IQGAP2: variants seen among roughly 807,000 people sequenced by gnomAD.
IQGAP2 encodes IQ motif containing GTPase activating protein 2.
IQGAP2 carries 173 observed loss-of-function variants against 201.3 expected under a neutral mutation model. That is an observed-to-expected ratio of 0.86 (90% CI 0.76 to 0.98). The LOEUF is 0.98. Among genes scored for constraint, IQGAP2 ranks in the 50% least tolerant of loss-of-function variants. The pLI, the probability that IQGAP2 is intolerant of heterozygous loss-of-function variation, is 0.00. For missense variants in IQGAP2, 1,687 were observed against 1,864.8 expected, an observed-to-expected ratio of 0.90 and a Z score of 1.76; for synonymous variants, 675 against 673.9, an observed-to-expected ratio of 1.00 and a Z score of -0.03.
intron 5 of IQGAP2, among the ~76,000 whole-genome samples, chr5:76,582,223 C>A (rs1745919359): frequency 6.6e-6 from 1 of 152,190 alleles, no homozygotes. Context: ...CAAAAGAAGT[C>A]AATTATTTCC....
chr5:76,563,545 A>G (rs1744530845), intron 3 of IQGAP2, among the ~76,000 whole-genome samples: 1 of 152,190 alleles, frequency 6.6e-6, no homozygotes, highest in Non-Finnish European at 1.5e-5. Flanking sequence ...TTGAAATTAT[A>G]TATTCAGAAG....
At chr5:76,675,581 G>A (rs896378932) in intron 27 of IQGAP2, among the ~76,000 whole-genome samples, 34 of 152,156 alleles carry the variant, frequency 2.2e-4, no homozygotes, top group African/African-American at 8.2e-4. Flanking sequence ...TCCTCCTGGA[G>A]CTCTGAGGAA....
intron 2 of IQGAP2, among the ~76,000 whole-genome samples, chr5:76,496,759 TTCTTTCTTTCTTTCTTTCTTTC>T (rs1561416509): frequency 9.7e-5 from 9 of 93,020 alleles, no homozygotes; most frequent in African/African-American, 4.5e-4. Flanking sequence ...CTTTCTTTCT[TTCTTTCTTTCTTTCTTTCTTTC>T]TTTCTTTCTT....
intron 12 of IQGAP2, 94 bp from the exon 13 acceptor site, chr5:76,610,926 G>A: frequency 1.0e-6 from 1 of 974,328 alleles, no homozygotes; most frequent in Non-Finnish European, 1.5e-6. Context: ...CTATAGCCTT[G>A]CTGTACTAGT....
intron 11 of IQGAP2, among the ~76,000 whole-genome samples, chr5:76,604,476 A>G (rs1352102293): frequency 6.6e-6 from 1 of 152,180 alleles, no homozygotes; most frequent in Non-Finnish European, 1.5e-5. Flanking sequence ...AATGATTTAT[A>G]ATCATATAAT....
intron 13 of IQGAP2, among the ~76,000 whole-genome samples, chr5:76,620,691 G>A (rs1749567340): frequency 6.6e-6 from 1 of 152,126 alleles, no homozygotes. Context: ...GATGGCCTAG[G>A]GGGAGTTATG....
chr5:76,604,686 C>T (rs1747676087), intron 11 of IQGAP2, among the ~76,000 whole-genome samples: 2 of 152,120 alleles, frequency 1.3e-5, no homozygotes, highest in African/African-American at 4.8e-5. Flanking sequence ...GGAATGGTCT[C>T]CATCTGTGAG....
At chr5:76,474,054 T>C (rs1755272255) in intron 2 of IQGAP2, among the ~76,000 whole-genome samples, 1 of 152,236 alleles carries the variant, frequency 6.6e-6, no homozygotes, top group Non-Finnish European at 1.5e-5. Context: ...TAGAGCGATC[T>C]TCCATTGCCT....
At position 76,514,409 on chromosome 5, in the gene IQGAP2, T is replaced by C. The variant is rs190150273; in HGVS notation, c.147-47987T>C. Among the ~76,000 whole-genome samples, 4 of 152,276 alleles carry C rather than the reference T, an allele frequency of 2.6e-5. No individual in the cohort carries two copies. In the East Asian group the frequency reaches 7.7e-4, roughly 29 times the overall value. ...CACACTTGATATTTTGCTAGCTCTG[T>C]GGATGAGCTTTTCCTTATCTGTTTT... On this transcript the variant is annotated intron_variant, in intron 2 of 35. Transcript: ENST00000274364.
intron 2 of IQGAP2, among the ~76,000 whole-genome samples, chr5:76,543,578 C>T (rs556860204): frequency 6.6e-6 from 1 of 152,352 alleles, no homozygotes; most frequent in African/African-American, 2.4e-5. Context: ...ATTTGTGCTT[C>T]CTGTCAGGGA....
At chr5:76,599,771 T>C (rs1052407396) in intron 10 of IQGAP2, among the ~76,000 whole-genome samples, 1 of 152,192 alleles carries the variant, frequency 6.6e-6, no homozygotes, top group East Asian at 1.9e-4. Flanking sequence ...ACCTGTAATA[T>C]CCTAAATGTA....
chr5:76,431,682 G>A (rs1001359956), intron 1 of IQGAP2, among the ~76,000 whole-genome samples: 4 of 152,084 alleles, frequency 2.6e-5, no homozygotes, highest in African/African-American at 9.7e-5. Context: ...AATTAGCCAA[G>A]CGTGGTAGCG....
chr5:76,434,258 G>A (rs1752532848), intron 1 of IQGAP2, among the ~76,000 whole-genome samples: 1 of 152,088 alleles, frequency 6.6e-6, no homozygotes, highest in South Asian at 2.1e-4. Context: ...ATTGTATAGT[G>A]GTGAATTCTG....
At chr5:76,657,114 A>G (rs916640569) in intron 20 of IQGAP2, among the ~76,000 whole-genome samples, 3 of 152,202 alleles carry the variant, frequency 2.0e-5, no homozygotes, top group Admixed American at 2.0e-4. Flanking sequence ...TTGATAGAGG[A>G]AATATTAAAT....
intron 1 of IQGAP2, among the ~76,000 whole-genome samples, chr5:76,404,258 G>T (rs1213541802): frequency 6.6e-6 from 1 of 152,228 alleles, no homozygotes; most frequent in African/African-American, 2.4e-5. Flanking sequence ...TCCGGCGGGA[G>T]CCCGCGTGAC....
intron 1 of IQGAP2, among the ~76,000 whole-genome samples, chr5:76,431,885 C>T (rs1197518110): frequency 1.3e-5 from 2 of 151,262 alleles, no homozygotes; most frequent in African/African-American, 2.4e-5. Flanking sequence ...CAGGCAGTCT[C>T]CTCAGTGGCA....
In IQGAP2 at chr5:76,697,979, T is replaced by G. The variant is rs374729870; in HGVS notation, c.4207-8T>G. ...CTTAAATATGATACCCCTTACTTGT[T>G]GTTTTAGGATATTCGAAATCAAAGA... On this transcript the variant is annotated splice_polypyrimidine_tract_variant and splice_region_variant and intron_variant, in intron 32 of 35. Transcript: ENST00000274364. 1 of 1,604,296 alleles carries G rather than the reference T, an allele frequency of 6.2e-7. No individual in the cohort carries two copies. The highest frequency in any genetic ancestry group is 1.7e-5 in the Admixed American group (1 of 58,004).
At chr5:76,690,459 T>C (rs1466485355) in intron 30 of IQGAP2, among the ~76,000 whole-genome samples, 1 of 152,116 alleles carries the variant, frequency 6.6e-6, no homozygotes, top group Admixed American at 6.6e-5. Flanking sequence ...CAATCAGGGA[T>C]TGGATTGTTT....
chr5:76,516,596 G>C (rs1758340524), intron 2 of IQGAP2, among the ~76,000 whole-genome samples: 1 of 152,144 alleles, frequency 6.6e-6, no homozygotes, highest in Admixed American at 6.5e-5. Flanking sequence ...TTAGAGAAAA[G>C]ATGTGTTTGA....
Sources: allele counts gnomAD v4.1 joint callset (sites outside exome capture counted in the v4.1 genomes callset), GRCh38; gene constraint gnomAD v4.1.1; transcripts MANE v1.5; gene names NCBI Gene and HGNC (gene_info 2026-07-23, HGNC 2026-07-21).